OTUD7A: variants seen among roughly 807,000 people sequenced by gnomAD.
The protein encoded by OTUD7A is OTU domain-containing protein 7A.
In OTUD7A, 12 loss-of-function variants were observed where a neutral mutation model predicts 65.7. That is an observed-to-expected ratio of 0.18 (90% CI 0.12 to 0.30). OTUD7A has a LOEUF of 0.30. Ranked by LOEUF, OTUD7A falls within the 10% of genes least tolerant of loss-of-function variation. OTUD7A has a pLI of 1.00. For missense variants in OTUD7A, 1,148 were observed against 1,304.8 expected, an observed-to-expected ratio of 0.88 and a Z score of 1.85; for synonymous variants, 641 against 586.3, an observed-to-expected ratio of 1.09 and a Z score of -1.35.
intron 10 of OTUD7A, among the ~76,000 whole-genome samples, chr15:31,493,866 G>A (rs908625335): frequency 2.6e-5 from 4 of 152,222 alleles, no homozygotes; most frequent in African/African-American, 7.2e-5. Context: ...GTACTTAGGG[G>A]AAAAGTTATA....
chr15:31,596,108 C>T (rs570811235), intron 3 of OTUD7A, among the ~76,000 whole-genome samples: 90 of 152,138 alleles, frequency 5.9e-4, no homozygotes, highest in African/African-American at 2.1e-3. Flanking sequence ...TCTGCAAAGT[C>T]CCTTCGCAGT....
At chr15:31,633,552 G>T (rs1161119075) in intron 3 of OTUD7A, among the ~76,000 whole-genome samples, 1 of 152,176 alleles carries the variant, frequency 6.6e-6, no homozygotes, top group Non-Finnish European at 1.5e-5. Context: ...GGTCGATCCA[G>T]AGATGTGCCT....
At chr15:31,763,500 A>G (rs939678230) in intron 1 of OTUD7A, among the ~76,000 whole-genome samples, 15 of 152,256 alleles carry the variant, frequency 9.9e-5, no homozygotes, top group Non-Finnish European at 2.1e-4. Flanking sequence ...GGAACATCGG[A>G]GAGAAAAAAA....
intron 1 of OTUD7A, among the ~76,000 whole-genome samples, chr15:31,807,403 G>A (rs1354829473): frequency 2.6e-5 from 4 of 152,300 alleles, no homozygotes; most frequent in Admixed American, 1.3e-4. Flanking sequence ...GTTGATGAAC[G>A]TGATCAATGA....
chr15:31,641,952 G>A (rs1204328112), intron 3 of OTUD7A, among the ~76,000 whole-genome samples: 1 of 152,268 alleles, frequency 6.6e-6, no homozygotes, highest in African/African-American at 2.4e-5. Flanking sequence ...GGAAAATGTT[G>A]GATAGAAGTA....
intron 1 of OTUD7A, among the ~76,000 whole-genome samples, chr15:31,751,811 A>G (rs1476610792): frequency 6.6e-6 from 1 of 152,248 alleles, no homozygotes; most frequent in Non-Finnish European, 1.5e-5. Flanking sequence ...ATTAACACAG[A>G]AAACCAAATA....
intron 3 of OTUD7A, among the ~76,000 whole-genome samples, chr15:31,654,164 T>C (rs1461843347): frequency 1.1e-5 from 1 of 91,694 alleles, no homozygotes; most frequent in South Asian, 4.6e-4. Context: ...TTATATAATA[T>C]AAATAGCAGG....
intron 8 of OTUD7A, among the ~76,000 whole-genome samples, chr15:31,521,176 T>G (rs913022499): frequency 6.6e-6 from 1 of 152,216 alleles, no homozygotes; most frequent in Non-Finnish European, 1.5e-5. Context: ...CAATGTTCAC[T>G]ACTTGGGTAA....
At chr15:31,552,558 C>T (rs147561677) in intron 5 of OTUD7A, among the ~76,000 whole-genome samples, 10 of 152,354 alleles carry the variant, frequency 6.6e-5, no homozygotes, top group African/African-American at 2.2e-4. Context: ...AGTTCATCTT[C>T]ACAACAGCCC....
intron 10 of OTUD7A, among the ~76,000 whole-genome samples, chr15:31,488,193 T>G (rs1042484056): frequency 5.3e-5 from 8 of 152,068 alleles, no homozygotes; most frequent in African/African-American, 1.9e-4. Context: ...TGGTGAAGCC[T>G]TTTTCGGATG....
intron 1 of OTUD7A, among the ~76,000 whole-genome samples, chr15:31,676,864 C>T (rs36100557): frequency 2.0e-5 from 3 of 152,206 alleles, no homozygotes; most frequent in South Asian, 2.1e-4. Flanking sequence ...CCAACAAATT[C>T]CACAGGAATT....
At chr15:31,817,288 A>G (rs537265523) in intron 1 of OTUD7A, among the ~76,000 whole-genome samples, 7 of 126,640 alleles carry the variant, frequency 5.5e-5, no homozygotes, top group Non-Finnish European at 9.9e-5. Flanking sequence ...CCCCCCCATC[A>G]CTCATGGCTT....
Position 31,553,252 on chromosome 15 carries a change from T to C in OTUD7A, c.550+5717A>G, listed in dbSNP as rs1006113262. 2.6e-5 allele frequency among the ~76,000 whole-genome samples: 4 copies of C among 152,278 alleles called. No individual in the cohort carries two copies. In the South Asian group the frequency reaches 8.3e-4, roughly 32 times the overall value. On this transcript the variant is annotated intron_variant, in intron 5 of 12. Transcript: ENST00000307050. ...AGGCCCGCACATTCCCAGTCTCTTC[T>C]GCTGGCTCCTTCTTCTGTTCCTCAG...
At chr15:31,822,767 G>A (rs754566345) in intron 1 of OTUD7A, among the ~76,000 whole-genome samples, 1 of 152,152 alleles carries the variant, frequency 6.6e-6, no homozygotes. Flanking sequence ...GACCAAGAGG[G>A]CAAATCACTT....
chr15:31,539,238 C>T (rs1439742689), intron 5 of OTUD7A, among the ~76,000 whole-genome samples: 1 of 152,128 alleles, frequency 6.6e-6, no homozygotes, highest in African/African-American at 2.4e-5. Flanking sequence ...TTTCTCTCTC[C>T]CCAACCTGGC....
At chr15:31,831,712 A>G (rs539874721) in intron 1 of OTUD7A, among the ~76,000 whole-genome samples, 51 of 152,364 alleles carry the variant, frequency 3.3e-4, no homozygotes, top group African/African-American at 1.2e-3. Context: ...TTATTCCAAC[A>G]AGCTCCAAAC....
chr15:31,592,528 C>G (rs945284424), intron 3 of OTUD7A, among the ~76,000 whole-genome samples: 4 of 152,080 alleles, frequency 2.6e-5, no homozygotes, highest in African/African-American at 4.8e-5. Context: ...ATAACAATGT[C>G]TTCTTCTGGA....
intron 8 of OTUD7A, among the ~76,000 whole-genome samples, chr15:31,519,641 T>C (rs576061385): frequency 6.6e-6 from 1 of 152,242 alleles, no homozygotes; most frequent in East Asian, 1.9e-4. Context: ...GTACTGGAAG[T>C]ACCCACAGCG....
intron 3 of OTUD7A, among the ~76,000 whole-genome samples, chr15:31,576,390 A>G (rs1889204283): frequency 6.6e-6 from 1 of 152,204 alleles, no homozygotes; most frequent in East Asian, 1.9e-4. Flanking sequence ...ACTAAGGCAT[A>G]AGTGATTATT....
Sources: allele counts gnomAD v4.1 joint callset (sites outside exome capture counted in the v4.1 genomes callset), GRCh38; gene constraint gnomAD v4.1.1; transcripts MANE v1.5; gene names NCBI Gene and HGNC (gene_info 2026-07-23, HGNC 2026-07-21).